Variants in KAT6A observed in about 807,000 individuals in gnomAD.
KAT6A encodes the protein lysine acetyltransferase 6A, also known as histone acetyltransferase KAT6A.
Under a neutral mutation model 198.4 loss-of-function variants are expected in KAT6A, and 9 were observed. The observed-to-expected ratio is 0.05, with a 90% confidence interval of 0.03 to 0.08. KAT6A has a LOEUF of 0.08. Among genes scored for constraint, KAT6A ranks in the 10% least tolerant of loss-of-function variants. KAT6A has a pLI of 1.00. For missense variants in KAT6A, 2,077 were observed against 2,509.9 expected, an observed-to-expected ratio of 0.83 and a Z score of 3.69; for synonymous variants, 890 against 883.0, an observed-to-expected ratio of 1.01 and a Z score of -0.14.
chr8:41,985,351 A>G (rs1333415201), intron 3 of KAT6A, among the ~76,000 whole-genome samples: 2 of 152,166 alleles, frequency 1.3e-5, no homozygotes, highest in Non-Finnish European at 2.9e-5. Context: ...ACCTTCTACT[A>G]TGCATAAAAA....
chr8:41,976,598 T>C (rs780375984), intron 7 of KAT6A, among the ~76,000 whole-genome samples: 5 of 152,188 alleles, frequency 3.3e-5, no homozygotes, highest in Non-Finnish European at 4.4e-5. Flanking sequence ...CTTTTTTTTA[T>C]GCTTAGATCA....
In KAT6A at chr8:42,048,242, C is replaced by T. The variant is rs1003303996; in HGVS notation, c.600+136G>A. The T allele has an allele frequency of 1.4e-5, 11 of 808,214 alleles. No homozygotes were observed. In the East Asian group the frequency reaches 2.7e-4, roughly 20 times the overall value. 50.1% of individuals were successfully genotyped at this position (808,214 alleles called of 1,614,324 possible). A position where few individuals can be genotyped will look rare whatever the true frequency, so the allele number is the denominator to read the frequency against. On this transcript the variant is annotated intron_variant, in intron 2 of 16. Transcript: ENST00000265713. ...CTATGAAGCTCTCATAGCTACAACT[C>T]ACCAATAAAAAACCAGAGGTGATCA...
intron 2 of KAT6A, among the ~76,000 whole-genome samples, chr8:41,992,722 C>A (rs1437269149): frequency 6.6e-6 from 1 of 152,064 alleles, no homozygotes; most frequent in Non-Finnish European, 1.5e-5. Flanking sequence ...GAAGAGAAGC[C>A]TACTTTAGGA....
chr8:41,964,261 T>C (rs930324713), intron 8 of KAT6A, among the ~76,000 whole-genome samples: 2 of 152,296 alleles, frequency 1.3e-5, no homozygotes, highest in African/African-American at 4.8e-5. Context: ...AAGTAATTAA[T>C]AATAAAGTTG....
intron 2 of KAT6A, among the ~76,000 whole-genome samples, chr8:42,008,567 G>A (rs1006986847): frequency 2.0e-5 from 3 of 152,078 alleles, no homozygotes; most frequent in African/African-American, 7.2e-5. Flanking sequence ...TCGAACTCCT[G>A]ACCTCAAGTG....
At chr8:41,949,020 T>G (rs1331916661) in intron 10 of KAT6A, among the ~76,000 whole-genome samples, 1 of 152,248 alleles carries the variant, frequency 6.6e-6, no homozygotes, top group African/African-American at 2.4e-5. Flanking sequence ...TCATAGATTC[T>G]AAGATGTACT....
chr8:41,967,955 C>T (rs1038956254), intron 8 of KAT6A, among the ~76,000 whole-genome samples: 2 of 151,998 alleles, frequency 1.3e-5, no homozygotes, highest in African/African-American at 2.4e-5. Context: ...CTTCCTTACA[C>T]CTTATACAAA....
chr8:41,974,574 T>C (rs2150884795), intron 8 of KAT6A, 130 bp downstream of exon 8: 1 of 619,128 alleles, frequency 1.6e-6, no homozygotes, highest in South Asian at 2.3e-5. Context: ...GAACTACATA[T>C]ACACACAAAC....
chr8:42,010,234 G>C (rs374116997), intron 2 of KAT6A, among the ~76,000 whole-genome samples: 10 of 152,228 alleles, frequency 6.6e-5, no homozygotes, highest in African/African-American at 2.4e-4. Flanking sequence ...GAACCCAGGA[G>C]GCAGAGGTTG....
In KAT6A at chr8:42,037,206, G is replaced by A. The variant is rs1004068272; in HGVS notation, c.600+11172C>T. ...CAGGTAATGCTAAAGTGAATTTAGT[G>A]CCAAGTACCACTGCTTTCCAAAGAA... On this transcript the variant is annotated intron_variant, in intron 2 of 16. Coordinates refer to ENST00000265713, the MANE Select transcript of KAT6A (RefSeq NM_006766.5). 6.6e-4 allele frequency among the ~76,000 whole-genome samples: 101 copies of A among 152,264 alleles called. 1 individual carries two copies. The highest frequency in any genetic ancestry group is 2.4e-3 in the African/African-American group (99 of 41,558).
chr8:41,990,197 A>G (rs1344841409), intron 2 of KAT6A, among the ~76,000 whole-genome samples: 1 of 152,216 alleles, frequency 6.6e-6, no homozygotes, highest in African/African-American at 2.4e-5. Context: ...AAATTTTAGA[A>G]AAGTCATTCT....
chr8:42,004,648 G>A (rs977767494), intron 2 of KAT6A, among the ~76,000 whole-genome samples: 12 of 152,204 alleles, frequency 7.9e-5, no homozygotes, highest in South Asian at 6.2e-4. Flanking sequence ...TACTTCGGCC[G>A]GGTGCGGTGA....
At position 41,937,513 on chromosome 8, in the gene KAT6A, C is replaced by G. The variant is rs1350016066; in HGVS notation, c.3095G>C (p.Ser1032Thr). 6.2e-7 allele frequency: 1 copy of G among 1,614,150 alleles called. No individual in the cohort carries two copies. Among genetic ancestry groups the G allele is most frequent in the East Asian group, 2.2e-5 (1 of 44,878 alleles). ...RVRKRKHHNS[S>T]VVTETISETT... is the part of the protein sequence containing the mutation. ...CTCAGAAATAGTTTCTGTGACTACACTGCTATTGTGGTGTTTGCGCTTTCG... is the reference window on the plus strand; with the variant it reads ...CTCAGAAATAGTTTCTGTGACTACAGTGCTATTGTGGTGTTTGCGCTTTCG... The change falls in exon 16 of 17, where the codon AGT (serine) becomes ACT (threonine). Residue 1032 changes from serine to threonine, a missense_variant. Around this residue, in one of 13 missense-constraint regions of KAT6A, gnomAD observed 19 missense variants for 40.5 expected, o/e 0.47. Coordinates refer to ENST00000265713, the MANE Select transcript of KAT6A (RefSeq NM_006766.5).
chr8:41,950,899 T>C (rs568820807), intron 9 of KAT6A, among the ~76,000 whole-genome samples: 1 of 151,904 alleles, frequency 6.6e-6, no homozygotes, highest in Non-Finnish European at 1.5e-5. Flanking sequence ...ATCGAAAATA[T>C]TCAATAAATG....
At chr8:41,966,724 T>C (rs942744610) in intron 8 of KAT6A, among the ~76,000 whole-genome samples, 9 of 152,186 alleles carry the variant, frequency 5.9e-5, no homozygotes, top group Non-Finnish European at 1.2e-4. Context: ...TCATTGGTAC[T>C]CTAAGCTATT....
chr8:42,010,860 G>T (rs1825988395), intron 2 of KAT6A, among the ~76,000 whole-genome samples: 1 of 152,122 alleles, frequency 6.6e-6, no homozygotes, highest in Admixed American at 6.5e-5. Flanking sequence ...GGCAAAGAAG[G>T]TCCCTTTTCT....
chr8:41,987,082 G>T (rs902854603), intron 3 of KAT6A, among the ~76,000 whole-genome samples: 1 of 152,100 alleles, frequency 6.6e-6, no homozygotes, highest in Non-Finnish European at 1.5e-5. Context: ...CTGTAGCCCC[G>T]TAAGGTCATA....
chr8:42,020,352 C>T (rs1241566056), intron 2 of KAT6A, among the ~76,000 whole-genome samples: 1 of 152,210 alleles, frequency 6.6e-6, no homozygotes, highest in Non-Finnish European at 1.5e-5. Flanking sequence ...ATCCCCCATT[C>T]TACGTCTATT....
intron 14 of KAT6A, among the ~76,000 whole-genome samples, chr8:41,941,742 A>T (rs1822150426): frequency 6.6e-6 from 1 of 152,250 alleles, no homozygotes; most frequent in South Asian, 2.1e-4. Context: ...ACGCAAGAGC[A>T]AGAGAAGATG....
Sources: allele counts gnomAD v4.1 joint callset (sites outside exome capture counted in the v4.1 genomes callset), GRCh38; gene constraint gnomAD v4.1.1; regional missense constraint gnomAD v4.1.1; transcripts MANE v1.5; gene names NCBI Gene and HGNC (gene_info 2026-07-23, HGNC 2026-07-21).